PCDHGA3: variants seen among roughly 807,000 people sequenced by gnomAD.
The protein encoded by PCDHGA3 is protocadherin gamma subfamily A, 3, also known as protocadherin gamma-A3.
Under a neutral mutation model 58.5 loss-of-function variants are expected in PCDHGA3, and 40 were observed. The observed-to-expected ratio is 0.68, with a 90% CI of 0.53 to 0.89. The LOEUF (loss-of-function observed/expected upper bound fraction) is 0.89. Ranked by LOEUF, PCDHGA3 falls within the 40% of genes least tolerant of loss-of-function variation. PCDHGA3 has a pLI of 0.00. For missense variants in PCDHGA3, 1,223 were observed against 1,195.9 expected (o/e 1.02, Z -0.33); for synonymous variants, 530 against 525.7 (o/e 1.01, Z -0.11).
At chr5:141,386,425 C>T (rs996269178) in intron 1 of PCDHGA3, among the ~76,000 whole-genome samples, 2 of 151,916 alleles carry the variant, frequency 1.3e-5, no homozygotes, top group East Asian at 1.9e-4. Context: ...AGCTGTAGCC[C>T]ACCTGCATGG....
At chr5:141,442,473 C>T (rs1435437337) in intron 1 of PCDHGA3, 1 of 152,240 alleles carries the variant, frequency 6.6e-6, no homozygotes, top group Non-Finnish European at 1.5e-5. Flanking sequence ...CAGAAAGCCC[C>T]TTGGGGAAGG....
rs546302275 is a variant in PCDHGA3, at chr5:141,362,788, CT to C, written c.2424+16333del. Among the ~76,000 whole-genome samples, 614 of 152,314 alleles carry C rather than the reference CT, an allele frequency of 4.0e-3. 6 individuals are homozygous for C. Among genetic ancestry groups the C allele is most frequent in the Admixed American group, 0.011 (171 of 15,302 alleles). On this transcript the variant is annotated intron_variant, in intron 1 of 3. Coordinates refer to ENST00000253812, the MANE Select transcript of PCDHGA3 (RefSeq NM_018916.4). ...GAGATATTGCACTGTATTTCTTTTT[CT>C]TCCTCATCTTTACATTACTTCTCTC...
At chr5:141,492,505 C>A (rs1009723421) in intron 1 of PCDHGA3, among the ~76,000 whole-genome samples, 1 of 152,212 alleles carries the variant, frequency 6.6e-6, no homozygotes, top group Admixed American at 6.5e-5. Context: ...GACTCCGGAG[C>A]CTCCTCTCAC....
chr5:141,396,860 T>C (rs1273570477), intron 1 of PCDHGA3, among the ~76,000 whole-genome samples: 1 of 152,230 alleles, frequency 6.6e-6, no homozygotes, highest in African/African-American at 2.4e-5. Flanking sequence ...ATAGTTTGTG[T>C]ACCATTTGGA....
intron 1 of PCDHGA3, chr5:141,478,623 G>GT (rs1337268572): frequency 1.3e-5 from 20 of 1,554,356 alleles, no homozygotes; most frequent in Admixed American, 3.9e-5. Flanking sequence ...GAATGGAGCT[G>GT]TTTTTTTAGT....
intron 1 of PCDHGA3, chr5:141,364,994 C>T: frequency 1.2e-6 from 2 of 1,613,924 alleles, no homozygotes; most frequent in Non-Finnish European, 1.7e-6. Flanking sequence ...AGACCCGGTA[C>T]TCTCCGGCAC....
chr5:141,369,294 C>T (rs767666173), intron 1 of PCDHGA3, among the ~76,000 whole-genome samples: 37 of 152,084 alleles, frequency 2.4e-4, no homozygotes, highest in Non-Finnish European at 3.5e-4. Flanking sequence ...ATCCTAATAA[C>T]GCATCATTGT....
rs575059814 is a variant in PCDHGA3, at chr5:141,345,215, A to G, written c.1182A>G (p.Leu394=). ...VFVLGNLPFK[L]EKSIDQYYRL... ...TCCTGGGAAATCTGCCATTTAAGTT[A>G]GAAAAATCAATAGATCAATATTACC... Residue 394 remains leucine, a synonymous_variant, in exon 1 of 4, where the codon TTA becomes TTG. Transcript: ENST00000253812. 1.2e-6 allele frequency: 2 copies of G among 1,614,020 alleles called. No individual in the cohort carries two copies. The highest frequency in any genetic ancestry group is 4.5e-5 in the East Asian group (2 of 44,890).
intron 1 of PCDHGA3, chr5:141,388,629 G>T (rs755930967): frequency 6.2e-7 from 1 of 1,613,942 alleles, no homozygotes. Context: ...CGTATACAGG[G>T]TGAGCCTTTC....
chr5:141,503,598 CAAAA>C (rs765754054), intron 2 of PCDHGA3, among the ~76,000 whole-genome samples: 2 of 65,756 alleles, frequency 3.0e-5, no homozygotes. Flanking sequence ...GACTCCAGCT[CAAAA>C]AAAAAAAAAA....
intron 2 of PCDHGA3, among the ~76,000 whole-genome samples, chr5:141,499,112 A>G (rs550424495): frequency 6.6e-6 from 1 of 152,238 alleles, no homozygotes; most frequent in African/African-American, 2.4e-5. Context: ...CCCCACCACT[A>G]TCCCTTCTCA....
intron 1 of PCDHGA3, among the ~76,000 whole-genome samples, chr5:141,462,574 C>T (rs1308899602): frequency 2.0e-5 from 3 of 152,036 alleles, no homozygotes; most frequent in Non-Finnish European, 4.4e-5. Context: ...TTGCTAATCC[C>T]ATCCAGTGAA....
At chr5:141,449,588 CAAAAAAA>C (rs768743917) in intron 1 of PCDHGA3, among the ~76,000 whole-genome samples, 5 of 57,506 alleles carry the variant, frequency 8.7e-5, no homozygotes, top group Admixed American at 3.6e-4. Flanking sequence ...GACTCTGTCT[CAAAAAAA>C]AAAAAAAAAA....
At position 141,512,574 on chromosome 5, in the gene PCDHGA3, C is replaced by T. The variant is rs1429371202; in HGVS notation, c.*1401C>T. 6.5e-6 allele frequency: 1 copy of T among 152,884 alleles called. No homozygotes were observed. Among genetic ancestry groups the T allele is most frequent in the Non-Finnish European group, 1.5e-5 (1 of 68,502 alleles). The allele number at this position is 152,884 out of a possible 1,614,324, so 9.5% of individuals were successfully genotyped here. On this transcript the variant is annotated 3_prime_UTR_variant, in exon 4 of 4. Coordinates refer to ENST00000253812, the MANE Select transcript of PCDHGA3 (RefSeq NM_018916.4). ...GTGCATAGACCTTCTTCTCCCACCCCCTTCTGCCCCTGGGTCCCCGGCCAT... is the reference window on the plus strand; with the variant it reads ...GTGCATAGACCTTCTTCTCCCACCCTCTTCTGCCCCTGGGTCCCCGGCCAT...
intron 1 of PCDHGA3, chr5:141,399,420 C>T (rs1257006819): frequency 1.9e-6 from 3 of 1,614,034 alleles, no homozygotes; most frequent in Non-Finnish European, 2.5e-6. Flanking sequence ...TCTCCTCCAG[C>T]ATAAGCGTCA....
intron 1 of PCDHGA3, among the ~76,000 whole-genome samples, chr5:141,438,591 CATATATATATATATATATAT>C (rs946798767): frequency 2.1e-4 from 16 of 75,572 alleles, no homozygotes; most frequent in Middle Eastern, 0.016. Context: ...TACATACATA[CATATATATATATATATATAT>C]ATATATATAT....
chr5:141,365,000 G>A (rs188773052), intron 1 of PCDHGA3: 10 of 1,613,822 alleles, frequency 6.2e-6, no homozygotes, highest in Admixed American at 5.0e-5. Context: ...GGTACTCTCC[G>A]GCACCACGCA....
In PCDHGA3 at chr5:141,384,438, C is replaced by G. The variant is rs758290868; in HGVS notation, c.2424+37981C>G. The G allele has an allele frequency of 4.6e-5, 74 of 1,613,902 alleles. No homozygotes were observed. In the South Asian group the frequency reaches 7.5e-4, roughly 16 times the overall value. Reference sequence around the variant, plus strand: ...TCTCCATAAACTCTGACACTGGAGTCCTGTACGCGCTGCAATCCTTTGATT... The same window carrying G: ...TCTCCATAAACTCTGACACTGGAGTGCTGTACGCGCTGCAATCCTTTGATT... On this transcript the variant is annotated intron_variant, in intron 1 of 3. Coordinates refer to ENST00000253812, the MANE Select transcript of PCDHGA3 (RefSeq NM_018916.4).
At chr5:141,370,145 T>C in intron 1 of PCDHGA3, 1 of 438,916 alleles carries the variant, frequency 2.3e-6, no homozygotes. Context: ...TTAGTCACCA[T>C]TACTGCAGTT....
Sources: gnomAD v4.1 joint callset for allele counts (sites outside exome capture counted in the v4.1 genomes callset) on GRCh38, gnomAD v4.1.1 for gene constraint, MANE v1.5 for transcripts, NCBI Gene and HGNC (gene_info 2026-07-23, HGNC 2026-07-21) for gene names.